Variants in FAM117B observed in about 807,000 individuals in gnomAD.
The protein encoded by FAM117B is protein FAM117B.
In FAM117B, 22 loss-of-function variants were observed where a neutral mutation model predicts 52.8. That is an observed-to-expected ratio of 0.42 (90% CI 0.30 to 0.59). The LOEUF is 0.59. FAM117B is among the 20% of genes least tolerant of loss of function. The probability of loss-of-function intolerance (pLI) is 0.22; values close to 1 mark genes in which losing one functional copy is unlikely to be tolerated. For synonymous variants in FAM117B, 309 were observed against 324.1 expected (o/e 0.95, Z 0.50); for missense variants, 678 against 802.6 (o/e 0.84, Z 1.88).
At chr2:202,683,870 A>G (rs1690498436) in intron 1 of FAM117B, among the ~76,000 whole-genome samples, 1 of 151,784 alleles carries the variant, frequency 6.6e-6, no homozygotes, top group African/African-American at 2.4e-5. Context: ...ACAAAATTTT[A>G]ATTTTTTTTT....
chr2:202,724,623 C>G (rs1404402571), intron 2 of FAM117B, among the ~76,000 whole-genome samples: 1 of 152,004 alleles, frequency 6.6e-6, no homozygotes, highest in Non-Finnish European at 1.5e-5. Flanking sequence ...TATGGTAACT[C>G]TAGTTATTAT....
intron 1 of FAM117B, among the ~76,000 whole-genome samples, chr2:202,660,751 C>T (rs1342756195): frequency 1.3e-5 from 2 of 152,158 alleles, no homozygotes; most frequent in Non-Finnish European, 2.9e-5. Flanking sequence ...AAGATGGTGA[C>T]AGAGAGGAAG....
chr2:202,758,943 A>G (rs1691841999), intron 6 of FAM117B, among the ~76,000 whole-genome samples: 1 of 152,238 alleles, frequency 6.6e-6, no homozygotes, highest in African/African-American at 2.4e-5. Context: ...GAAAAATGGA[A>G]GTAGTGTTTG....
At chr2:202,724,345 G>A (rs748262397) in intron 2 of FAM117B, among the ~76,000 whole-genome samples, 17 of 152,102 alleles carry the variant, frequency 1.1e-4, no homozygotes, top group Non-Finnish European at 1.6e-4. Flanking sequence ...GCCCAGCCAG[G>A]TTTAACATTT....
intron 2 of FAM117B, among the ~76,000 whole-genome samples, chr2:202,698,688 G>A (rs754277306): frequency 6.6e-6 from 1 of 152,124 alleles, no homozygotes; most frequent in South Asian, 2.1e-4. Context: ...CTCCCAAAGC[G>A]CTAGGATTAC....
intron 4 of FAM117B, among the ~76,000 whole-genome samples, chr2:202,744,339 T>G (rs770598526): frequency 6.6e-6 from 1 of 152,298 alleles, no homozygotes; most frequent in African/African-American, 2.4e-5. Flanking sequence ...GCAAGAGAGA[T>G]AGAGGCATGG....
chr2:202,702,017 C>T (rs558954557), intron 2 of FAM117B, among the ~76,000 whole-genome samples: 109 of 152,304 alleles, frequency 7.2e-4, no homozygotes, highest in Non-Finnish European at 1.4e-3. Flanking sequence ...ATGCTACCCA[C>T]GCAGCATTGT....
At chr2:202,691,701 G>GCA (rs1439977194) in intron 1 of FAM117B, among the ~76,000 whole-genome samples, 14 of 139,994 alleles carry the variant, frequency 1.0e-4, no homozygotes, top group Non-Finnish European at 1.8e-4. Flanking sequence ...GTGTGTGTGC[G>GCA]CGCGCGCCTC....
At chr2:202,641,554 A>G (rs559795199) in intron 1 of FAM117B, among the ~76,000 whole-genome samples, 123 of 152,258 alleles carry the variant, frequency 8.1e-4, no homozygotes, top group African/African-American at 2.8e-3. Flanking sequence ...TACTAATGAT[A>G]CTTACCGTAG....
chr2:202,680,497 A>G (rs1157717140), intron 1 of FAM117B, among the ~76,000 whole-genome samples: 1 of 152,200 alleles, frequency 6.6e-6, no homozygotes, highest in Non-Finnish European at 1.5e-5. Flanking sequence ...TCCAAGTTCA[A>G]TTAATCTCAA....
intron 4 of FAM117B, among the ~76,000 whole-genome samples, chr2:202,745,916 T>C (rs1241066808): frequency 6.6e-6 from 1 of 152,224 alleles, no homozygotes; most frequent in Non-Finnish European, 1.5e-5. Context: ...TAAATATATA[T>C]GCACCTTACA....
intron 2 of FAM117B, among the ~76,000 whole-genome samples, chr2:202,723,474 A>G (rs16839296): frequency 0.051 from 7,815 of 152,238 alleles, 242 homozygotes; most frequent in Middle Eastern, 0.092. Flanking sequence ...ATTTACACAC[A>G]CATGCATTCT....
At chr2:202,725,337 G>A (rs563932768) in intron 3 of FAM117B, 1 of 159,088 alleles carries the variant, frequency 6.3e-6, no homozygotes, top group South Asian at 1.3e-4. Flanking sequence ...GTGTGTGTGT[G>A]AGACGGAGTC....
intron 4 of FAM117B, among the ~76,000 whole-genome samples, chr2:202,740,263 G>C (rs1238916171): frequency 6.8e-6 from 1 of 146,942 alleles, no homozygotes; most frequent in Non-Finnish European, 1.5e-5. Context: ...GGGAGGGTGA[G>C]GCATGAGAAT....
At chr2:202,657,562 G>A (rs1314907504) in intron 1 of FAM117B, among the ~76,000 whole-genome samples, 1 of 152,024 alleles carries the variant, frequency 6.6e-6, no homozygotes, top group African/African-American at 2.4e-5. Flanking sequence ...TTATGGCTAC[G>A]GTGGTAGCCT....
chr2:202,644,976 T>C (rs1322773635), intron 1 of FAM117B, among the ~76,000 whole-genome samples: 1 of 152,212 alleles, frequency 6.6e-6, no homozygotes, highest in African/African-American at 2.4e-5. Context: ...AATTTTTCTT[T>C]TATTATTTCT....
At chr2:202,680,326 G>A (rs1037890609) in intron 1 of FAM117B, among the ~76,000 whole-genome samples, 3 of 152,046 alleles carry the variant, frequency 2.0e-5, no homozygotes, top group Admixed American at 6.6e-5. Flanking sequence ...GCTAAATGAC[G>A]AGTTAATGGG....
Position 202,766,072 on chromosome 2 carries a change from ACAC to A in FAM117B, c.*309_*311del, listed in dbSNP as rs1691974177. ...TTAGACTTCTTTAAAACACACACAC[ACAC>A]ACACACACACACACACACACACACA... is the stretch of plus-strand genomic sequence containing the variant. On this transcript the variant is annotated 3_prime_UTR_variant, in exon 8 of 8. Coordinates refer to ENST00000392238, the MANE Select transcript of FAM117B (RefSeq NM_173511.4). 4.9e-6 allele frequency: 1 copy of A among 205,158 alleles called. No individual in the cohort carries two copies. Among genetic ancestry groups the A allele is most frequent in the Admixed American group, 5.7e-5 (1 of 17,478 alleles). The allele number at this position is 205,158 out of a possible 1,614,324, so 12.7% of individuals were successfully genotyped here.
At chr2:202,676,121 C>T (rs1337780253) in intron 1 of FAM117B, among the ~76,000 whole-genome samples, 2 of 151,962 alleles carry the variant, frequency 1.3e-5, no homozygotes, top group East Asian at 3.9e-4. Flanking sequence ...CAACTTGCTA[C>T]GTTTATATAG....
Sources: allele counts gnomAD v4.1 joint callset (sites outside exome capture counted in the v4.1 genomes callset), GRCh38; gene constraint gnomAD v4.1.1; transcripts MANE v1.5; gene names NCBI Gene and HGNC (gene_info 2026-07-23, HGNC 2026-07-21).